Variants in NEB observed in about 807,000 individuals in gnomAD.
The protein encoded by NEB is nemaline myopathy type 2.
Under a neutral mutation model 952.2 loss-of-function variants are expected in NEB, and 512 were observed. The observed-to-expected ratio is 0.54, with a 90% confidence interval of 0.50 to 0.58. The LOEUF (loss-of-function observed/expected upper bound fraction) is 0.58, where lower values mean the gene tolerates loss of function less well. Among genes scored for constraint, NEB ranks in the 20% least tolerant of loss-of-function variants. NEB has a pLI of 0.00. For synonymous variants in NEB, 2,900 were observed against 3,149.8 expected (o/e 0.92, Z 2.66); for missense variants, 8,428 against 9,231.1 (o/e 0.91, Z 3.56).
At position 151,512,807 on chromosome 2, in the gene NEB, T is replaced by C; in HGVS notation, c.23272A>G (p.Lys7758Glu). The C allele has an allele frequency of 6.2e-7, 1 of 1,613,518 alleles. No individual in the cohort carries two copies. The highest frequency in any genetic ancestry group is 8.5e-7 in the Non-Finnish European group (1 of 1,179,582). ...TCAACCACAGAAGTGAAATTGGCTT[T>C]CTCCATTTCTGCTGATTGCTTATAC... ...IKYKQSAEMEKANFTSVVDTP... is the reference protein window; with the variant it reads ...IKYKQSAEMEEANFTSVVDTP... Residue 7758 changes from lysine to glutamate, a missense_variant, in exon 161 of 182, where the codon AAA (lysine) becomes GAA (glutamate). This residue lies in a region of NEB where 3,374 missense variants were observed against 3,651.5 expected (regional missense o/e 0.92). Coordinates refer to ENST00000397345, the MANE Select transcript of NEB (RefSeq NM_001164508.2).
At chr2:151,493,504 A>C in intron 175 of NEB, 59 bp from the exon 176 acceptor site, 1 of 1,128,850 alleles carries the variant, frequency 8.9e-7, no homozygotes, top group Non-Finnish European at 1.3e-6. Flanking sequence ...TCTGAAAATC[A>C]TCACTTAGCT....
intron 54 of NEB, among the ~76,000 whole-genome samples, chr2:151,648,166 T>G (rs80040840): frequency 0.013 from 2,054 of 152,322 alleles, 28 homozygotes; most frequent in South Asian, 0.045. Flanking sequence ...CATGTACTAT[T>G]TTTTCAACTT....
chr2:151,499,614 G>A, intron 168 of NEB: 2 of 347,116 alleles, frequency 5.8e-6, no homozygotes. Flanking sequence ...ATTGTAACTT[G>A]AATATATTTA....
rs2097912400 is a variant in NEB at position 151,610,602 on chromosome 2, C to A, written c.11932G>T (p.Asp3978Tyr). ...TCATAGTCCTTCATCTTTGATTCAT[C>A]CCATCCCTTGGTGTAAAGTTTCTAG... ...ISQKLYTKGW[D>Y]ESKMKDYDLR... Residue 3978 changes from aspartate (D) to tyrosine (Y), a missense_variant, in exon 80 of 182, where the codon GAT becomes TAT. This residue lies in a region of NEB where 337 missense variants were observed against 297.5 expected (regional missense o/e 1.13). Coordinates refer to ENST00000397345, the MANE Select transcript of NEB (RefSeq NM_001164508.2). 6.2e-7 allele frequency: 1 copy of A among 1,613,488 alleles called. No individual in the cohort carries two copies. Among genetic ancestry groups the A allele is most frequent in the Non-Finnish European group, 8.5e-7 (1 of 1,179,432 alleles).
At chr2:151,513,241 T>G (rs569807131) in intron 160 of NEB, among the ~76,000 whole-genome samples, 1 of 152,160 alleles carries the variant, frequency 6.6e-6, no homozygotes, top group Non-Finnish European at 1.5e-5. Context: ...TCCCAAGATA[T>G]TCTAAGCAAG....
chr2:151,694,657 T>C (rs1234401040), intron 18 of NEB, 28 bp from the exon 19 acceptor site: 4 of 1,541,232 alleles, frequency 2.6e-6, no homozygotes, highest in Middle Eastern at 1.7e-4. Context: ...GCAAAGGAAT[T>C]GGCAAAAGTG....
At chr2:151,540,663 T>C in intron 137 of NEB, 34 bp downstream of exon 137, 1 of 1,569,638 alleles carries the variant, frequency 6.4e-7, no homozygotes, top group Non-Finnish European at 8.8e-7. Context: ...TTTTTCTTTT[T>C]ACCCAGTGCC....
chr2:151,595,380 T>C (rs1469927020), intron 92 of NEB, among the ~76,000 whole-genome samples: 2 of 152,250 alleles, frequency 1.3e-5, no homozygotes, highest in Middle Eastern at 3.2e-3. Flanking sequence ...GACTCCTGAG[T>C]AGCTGGGATT....
chr2:151,541,064 G>A (rs991266355), intron 136 of NEB, among the ~76,000 whole-genome samples: 9 of 151,988 alleles, frequency 5.9e-5, no homozygotes, highest in African/African-American at 1.2e-4. Context: ...GATAAAGAAT[G>A]CTAACAGAAG....
At position 151,493,454 on chromosome 2, in the gene NEB, G is replaced by A. The variant is rs765830534; in HGVS notation, c.24673-9C>T. 1.3e-6 allele frequency: 2 copies of A among 1,549,290 alleles called. No individual in the cohort carries two copies. Among genetic ancestry groups the A allele is most frequent in the Admixed American group, 2.0e-5 (1 of 51,054 alleles). Reference sequence around the variant, plus strand: ...TTCTCTTTGTACAATACCTAGGGAAGCCAAAAGAGCATCTAGGCATCAGAC... The same window carrying A: ...TTCTCTTTGTACAATACCTAGGGAAACCAAAAGAGCATCTAGGCATCAGAC... On this transcript the variant is annotated splice_polypyrimidine_tract_variant and intron_variant, in intron 175 of 181. Transcript: ENST00000397345.
At chr2:151,655,224 A>G (rs374470965) in intron 51 of NEB, 46 bp downstream of exon 51, 4 of 1,092,080 alleles carry the variant, frequency 3.7e-6, no homozygotes, top group East Asian at 2.6e-5. Flanking sequence ...TTATAAGTTC[A>G]TAAGTTTCAA....
At chr2:151,714,745 A>G (rs2099754601) in intron 10 of NEB, among the ~76,000 whole-genome samples, 1 of 152,164 alleles carries the variant, frequency 6.6e-6, no homozygotes, top group African/African-American at 2.4e-5. Flanking sequence ...TTATTTTTTT[A>G]TACTTTAAGT....
At chr2:151,541,289 C>G (rs1175515425) in intron 136 of NEB, among the ~76,000 whole-genome samples, 158 bp downstream of exon 136, 2 of 152,098 alleles carry the variant, frequency 1.3e-5, no homozygotes, top group Non-Finnish European at 1.5e-5. Flanking sequence ...TTATCATGGC[C>G]CAAAAGAGAA....
chr2:151,619,736 T>A lies in NEB; in HGVS notation c.10587A>T (p.Lys3529Asn), dbSNP rs748806846. Residue 3529 changes from lysine (K) to asparagine (N), a missense_variant, in exon 73 of 182, where the codon AAA (lysine) becomes AAT (asparagine). By Grantham distance (94) the Lys-to-Asn change is moderately conservative. Around this residue, in one of 11 missense-constraint regions of NEB, gnomAD observed 1,772 missense variants for 1,960.3 expected, o/e 0.90. Transcript: ENST00000397345. Reference protein sequence around the residue: ...SDYKYKEAYRKQLGHHIGARA... With the variant: ...SDYKYKEAYRNQLGHHIGARA... ...GGGCGCCAATGTGGTGACCCAACTG[T>A]TTACGATATGCTTCTTTGTATTTGT... 5.6e-6 allele frequency: 9 copies of A among 1,612,296 alleles called. No homozygotes were observed. The highest frequency in any genetic ancestry group is 3.3e-5 in the Admixed American group (2 of 59,992).
intron 124 of NEB, among the ~76,000 whole-genome samples, chr2:151,556,801 A>G (rs13393122): frequency 0.26 from 39,509 of 152,138 alleles, 6,118 homozygotes; most frequent in Non-Finnish European, 0.35. Flanking sequence ...AGACAGATCA[A>G]CCAGACAGAA....
chr2:151,534,031 G>A (rs1385457968), intron 142 of NEB, among the ~76,000 whole-genome samples: 1 of 152,212 alleles, frequency 6.6e-6, no homozygotes, highest in African/African-American at 2.4e-5. Context: ...TGAGAACACA[G>A]AGCATGGACT....
At chr2:151,726,164 T>C (rs1368813392) in intron 5 of NEB, among the ~76,000 whole-genome samples, 1 of 152,228 alleles carries the variant, frequency 6.6e-6, no homozygotes, top group Non-Finnish European at 1.5e-5. Context: ...AATTATACTA[T>C]TGATTTGGTT....
At position 151,543,223 on chromosome 2, in the gene NEB, G is replaced by A. The variant is rs55914727; in HGVS notation, c.20578-1672C>T. Among the ~76,000 whole-genome samples the A allele has an allele frequency of 3.3e-3, 504 of 152,228 alleles. 6 individuals are homozygous for A. The highest frequency in any genetic ancestry group is 0.011 in the African/African-American group (477 of 41,542). ...ATGTTGAAGGAATTTAATGTAATGC[G>A]GCAAATGAGAAAGAACAAATGGATA... On this transcript the variant is annotated intron_variant, in intron 135 of 181. Coordinates refer to ENST00000397345, the MANE Select transcript of NEB (RefSeq NM_001164508.2).
At position 151,525,890 on chromosome 2, in the gene NEB, A is replaced by G. The variant is rs900875594; in HGVS notation, c.22161+68T>C. The G allele has an allele frequency of 5.7e-6, 7 of 1,238,772 alleles. No individual in the cohort carries two copies. In the African/African-American group the frequency reaches 1.0e-4, roughly 18 times the overall value. The allele number at this position is 1,238,772 out of a possible 1,614,324, so 76.7% of individuals were successfully genotyped here. ...ATAAAGGAAGCAAAAGGCAACTGAC[A>G]TTATTTCACCAGATTCTACAGTCAA... On this transcript the variant is annotated intron_variant, in intron 150 of 181. Transcript: ENST00000397345.
Sources: gnomAD v4.1 joint callset for allele counts (sites outside exome capture counted in the v4.1 genomes callset) on GRCh38, gnomAD v4.1.1 for gene constraint, gnomAD v4.1.1 regional missense constraint, MANE v1.5 for transcripts, NCBI Gene and HGNC (gene_info 2026-07-23, HGNC 2026-07-21) for gene names.